The following ZBTB46 variants were observed in gnomAD, a reference collection of about 807,000 sequenced individuals.
The protein encoded by ZBTB46 is zinc finger and BTB domain-containing protein 46.
ZBTB46 carries 8 observed loss-of-function variants against 44.1 expected under a neutral mutation model. The ratio of observed to expected loss-of-function variants is 0.18; its 90% confidence interval spans 0.11 to 0.33. The LOEUF (loss-of-function observed/expected upper bound fraction) is 0.33. ZBTB46 is among the 10% of genes least tolerant of loss of function. The pLI, the probability that ZBTB46 is intolerant of heterozygous loss-of-function variation, is 1.00. For synonymous variants in ZBTB46, 409 were observed against 382.3 expected, an observed-to-expected ratio of 1.07 and a Z score of -0.81; for missense variants, 651 against 847.7, an observed-to-expected ratio of 0.77 and a Z score of 2.88.
intron 1 of ZBTB46, among the ~76,000 whole-genome samples, chr20:63,796,821 A>G (rs1415250572): frequency 3.3e-5 from 5 of 152,118 alleles, no homozygotes; most frequent in Non-Finnish European, 5.9e-5. Flanking sequence ...GTAAGACTCC[A>G]TCTCAAAAAA....
In ZBTB46 at chr20:63,818,442, G is replaced by A. The variant is rs1490473306; in HGVS notation, c.-34+12655C>T. Among the ~76,000 whole-genome samples, 4 of 152,238 alleles carry A rather than the reference G, an allele frequency of 2.6e-5. No homozygotes were observed. The East Asian group carries it at 7.7e-4, about 29-fold the overall frequency. On this transcript the variant is annotated intron_variant, in intron 1 of 4. Transcript: ENST00000245663. ...GCAGTCAGTTCTGCAGAGGGAGGGT[G>A]GGCCAGGCCAGTGCGGACCCCCAGG...
At chr20:63,825,881 CA>C (rs1238673763) in intron 1 of ZBTB46, among the ~76,000 whole-genome samples, 3 of 152,248 alleles carry the variant, frequency 2.0e-5, no homozygotes, top group Non-Finnish European at 4.4e-5. Context: ...CATGCCCCAG[CA>C]GATAAGCAAA....
intron 2 of ZBTB46, among the ~76,000 whole-genome samples, chr20:63,786,598 G>A (rs1252855103): frequency 6.6e-6 from 1 of 152,000 alleles, no homozygotes; most frequent in Non-Finnish European, 1.5e-5. Context: ...CGCAACCTCC[G>A]CCTCCCTGGT....
intron 2 of ZBTB46, among the ~76,000 whole-genome samples, chr20:63,782,740 G>A (rs1044167951): frequency 3.3e-5 from 5 of 152,130 alleles, no homozygotes; most frequent in East Asian, 1.9e-4. Flanking sequence ...GGCTGCGGCC[G>A]TGAGTCCCTC....
In ZBTB46 at chr20:63,819,624, C is replaced by T. The variant is rs1421949205; in HGVS notation, c.-34+11473G>A. On this transcript the variant is annotated intron_variant, in intron 1 of 4. Transcript: ENST00000245663. ...AGCAACAGTGTCCCAGGGGCCAGAC[C>T]AGAGGTAAACGGATTAAAACAACCA... Among the ~76,000 whole-genome samples the T allele has an allele frequency of 2.6e-5, 4 of 152,154 alleles. No individual in the cohort carries two copies. In the East Asian group the frequency reaches 5.8e-4, roughly 22 times the overall value.
In ZBTB46 at chr20:63,803,450, C is replaced by T; in HGVS notation, c.-33-12660G>A. 1 of 985,394 alleles carries T rather than the reference C, an allele frequency of 1.0e-6. No homozygotes were observed. The highest frequency in any genetic ancestry group is 1.2e-6 in the Non-Finnish European group (1 of 829,926). 61.0% of individuals were successfully genotyped at this position (985,394 alleles called of 1,614,324 possible). Reference sequence around the variant, plus strand: ...GCGAGACCGGTGGTACTATCCACATCATCTCCAGTGAGCAAGTGGGTGCTG... The same window carrying T: ...GCGAGACCGGTGGTACTATCCACATTATCTCCAGTGAGCAAGTGGGTGCTG... On this transcript the variant is annotated intron_variant, in intron 1 of 4. Transcript: ENST00000245663. This position sits in a 1 kb window ranked among gnomAD's most constrained non-coding sequence, Gnocchi z 4.0.
intron 1 of ZBTB46, among the ~76,000 whole-genome samples, chr20:63,806,642 T>C (rs1043003044): frequency 4.6e-5 from 7 of 152,132 alleles, no homozygotes; most frequent in Non-Finnish European, 1.0e-4. Context: ...GGAATCTGGC[T>C]CTGTCACCCA....
At chr20:63,793,455 C>G (rs1341635037) in intron 1 of ZBTB46, among the ~76,000 whole-genome samples, 1 of 152,184 alleles carries the variant, frequency 6.6e-6, no homozygotes, top group African/African-American at 2.4e-5. Context: ...AATCCCGAAG[C>G]TGGGGGGTCC....
chr20:63,766,218 T>C (rs1375249473), intron 3 of ZBTB46, among the ~76,000 whole-genome samples: 1 of 144,182 alleles, frequency 6.9e-6, no homozygotes, highest in Non-Finnish European at 1.5e-5. Flanking sequence ...TTTTTTTTTT[T>C]TTTTTTTTTT....
chr20:63,760,997 C>A (rs1377024724), intron 3 of ZBTB46, among the ~76,000 whole-genome samples: 1 of 114,592 alleles, frequency 8.7e-6, no homozygotes, highest in African/African-American at 4.0e-5. Context: ...TCATTGATAG[C>A]TCTTTTTTTT....
intron 1 of ZBTB46, among the ~76,000 whole-genome samples, chr20:63,817,715 CAA>C (rs3068855): frequency 3.2e-4 from 25 of 78,700 alleles, no homozygotes; most frequent in Admixed American, 7.7e-4. Flanking sequence ...GACTCTGTCT[CAA>C]AAAAAAAAAA....
chr20:63,832,652 C>A (rs1018903649), upstream of ZBTB46, among the ~76,000 whole-genome samples: 1 of 152,128 alleles, frequency 6.6e-6, no homozygotes. This position sits in a 1 kb window ranked among gnomAD's most constrained non-coding sequence, Gnocchi z 5.0. Context: ...GCGGACACCC[C>A]GTTCCCATCC....
Position 63,780,781 on chromosome 20 carries a change from G to A in ZBTB46, c.938-4819C>T, listed in dbSNP as rs538890182. Among the ~76,000 whole-genome samples the A allele has an allele frequency of 3.0e-4, 45 of 150,896 alleles. No homozygotes were observed. In the East Asian group the frequency reaches 3.7e-3, roughly 12 times the overall value. ...TGCACCACTGCACTCCAGCCTGGGC[G>A]ACAGAATGATACTCCGTCTCAAAAA... On this transcript the variant is annotated intron_variant, in intron 2 of 4. Coordinates refer to ENST00000245663, the MANE Select transcript of ZBTB46 (RefSeq NM_001369741.1).
In ZBTB46 at chr20:63,767,847, G is replaced by A. The variant is rs2092333608; in HGVS notation, c.1222+7831C>T. The A allele has an allele frequency of 1.0e-5, 10 of 977,414 alleles. No individual in the cohort carries two copies. The highest frequency in any genetic ancestry group is 1.2e-5 in the Non-Finnish European group (10 of 822,686). The allele number at this position is 977,414 out of a possible 1,614,324, so 60.5% of individuals were successfully genotyped here. A position where few individuals can be genotyped will look rare whatever the true frequency, so the allele number is the denominator to read the frequency against. On this transcript the variant is annotated intron_variant, in intron 3 of 4. Transcript: ENST00000245663. The surrounding 1 kb of genome is among the most constrained non-coding windows in gnomAD (Gnocchi z 5.0). ...TCCAGGGCTGGGCAAGTCCATCCAG[G>A]CCTGGGCTGGAAGAAGACTCCTCAG...
chr20:63,808,368 A>C (rs2092695729), intron 1 of ZBTB46, among the ~76,000 whole-genome samples: 1 of 152,168 alleles, frequency 6.6e-6, no homozygotes. Flanking sequence ...CCCGGAAGGC[A>C]GACGCCACGG....
chr20:63,796,578 C>T lies in ZBTB46; in HGVS notation c.-33-5788G>A, dbSNP rs143701018. Among the ~76,000 whole-genome samples the T allele has an allele frequency of 3.6e-3, 542 of 152,352 alleles. 5 individuals are homozygous for T. Among genetic ancestry groups the T allele is most frequent in the African/African-American group, 0.013 (522 of 41,582 alleles). The stretch of plus-strand genomic sequence containing the variant: ...CGGTGGCGCACGCCTGTCATCCCAG[C>T]ACTTTGGGAGGCCGAGGCGGGCGGA... On this transcript the variant is annotated intron_variant, in intron 1 of 4. Coordinates refer to ENST00000245663, the MANE Select transcript of ZBTB46 (RefSeq NM_001369741.1).
intron 2 of ZBTB46, among the ~76,000 whole-genome samples, chr20:63,788,838 T>C (rs1013206427): frequency 1.9e-4 from 27 of 145,376 alleles, no homozygotes; most frequent in African/African-American, 4.0e-4. Flanking sequence ...GACTGTCTCT[T>C]TTTTTTTTTT....
At chr20:63,833,735 T>C (rs1449665975), upstream of ZBTB46, among the ~76,000 whole-genome samples, 1 of 152,202 alleles carries the variant, frequency 6.6e-6, no homozygotes, top group Admixed American at 6.5e-5. Context: ...TCCTGACTTT[T>C]CTGCTCCAAG....
chr20:63,774,946 G>A (rs2092411387), intron 3 of ZBTB46, among the ~76,000 whole-genome samples: 1 of 151,994 alleles, frequency 6.6e-6, no homozygotes, highest in Non-Finnish European at 1.5e-5. Flanking sequence ...CTCGTGGTCT[G>A]CCCGCCTCAG....
Sources: gnomAD v4.1 joint callset for allele counts (sites outside exome capture counted in the v4.1 genomes callset) on GRCh38, gnomAD v4.1.1 for gene constraint, Gnocchi (gnomAD v3.1) non-coding constraint, MANE v1.5 for transcripts, NCBI Gene and HGNC (gene_info 2026-07-23, HGNC 2026-07-21) for gene names.